Variants in TFDP2 observed in about 807,000 individuals in gnomAD.
TFDP2 encodes the protein transcription factor Dp-2, also known as transcription factor Dp-2 (E2F dimerization partner 2).
Under a neutral mutation model 59.3 loss-of-function variants are expected in TFDP2, and 17 were observed. The observed-to-expected ratio is 0.29, with a 90% confidence interval of 0.20 to 0.43. The LOEUF is 0.43. Ranked by LOEUF, TFDP2 falls within the 20% of genes least tolerant of loss-of-function variation. The pLI is 1.00. For missense variants in TFDP2, 391 were observed against 528.8 expected (o/e 0.74, Z 2.56); for synonymous variants, 180 against 194.7 (o/e 0.92, Z 0.63).
intron 3 of TFDP2, among the ~76,000 whole-genome samples, chr3:142,021,426 C>T (rs148130726): frequency 1.4e-3 from 220 of 152,268 alleles, no homozygotes; most frequent in African/African-American, 5.2e-3. Context: ...AAATGGATCA[C>T]CTAACCAGAA....
At chr3:141,979,915 T>G (rs1318958976) in intron 6 of TFDP2, among the ~76,000 whole-genome samples, 4 of 143,518 alleles carry the variant, frequency 2.8e-5, no homozygotes, top group South Asian at 4.4e-4. Flanking sequence ...TGTTTTTGGG[T>G]TTTTTTTTTT....
intron 3 of TFDP2, among the ~76,000 whole-genome samples, chr3:142,050,589 GGGA>G (rs1355424336): frequency 2.6e-5 from 4 of 152,050 alleles, no homozygotes; most frequent in African/African-American, 9.7e-5. Flanking sequence ...CCAGCTACTC[GGGA>G]GGCTGAGGCA....
chr3:141,973,330 C>T (rs1940129749), intron 8 of TFDP2, among the ~76,000 whole-genome samples: 2 of 151,840 alleles, frequency 1.3e-5, no homozygotes, highest in South Asian at 2.1e-4. Flanking sequence ...ACACCCACCT[C>T]GGCCTCCCAA....
chr3:142,013,298 A>G (rs1037397143), intron 3 of TFDP2, among the ~76,000 whole-genome samples: 8 of 152,232 alleles, frequency 5.3e-5, no homozygotes, highest in Non-Finnish European at 1.0e-4. Flanking sequence ...GGATTCCACT[A>G]GAATTCCAAT....
intron 3 of TFDP2, among the ~76,000 whole-genome samples, chr3:142,012,576 T>C (rs961945604): frequency 6.6e-5 from 10 of 152,208 alleles, no homozygotes; most frequent in African/African-American, 2.2e-4. Context: ...ATGTGTATGA[T>C]GGAATATTAT....
chr3:142,050,638 G>A (rs1386033348), intron 3 of TFDP2, among the ~76,000 whole-genome samples: 1 of 152,146 alleles, frequency 6.6e-6, no homozygotes, highest in African/African-American at 2.4e-5. Context: ...AGAGCTTGCA[G>A]TGAGTCACGA....
intron 2 of TFDP2, among the ~76,000 whole-genome samples, chr3:142,096,497 C>A (rs1184482426): frequency 6.6e-6 from 1 of 151,978 alleles, no homozygotes; most frequent in Non-Finnish European, 1.5e-5. Context: ...GCTGAGTATT[C>A]CTCTCTTTTT....
intron 3 of TFDP2, among the ~76,000 whole-genome samples, chr3:142,007,334 C>T (rs1944299600): frequency 6.6e-6 from 1 of 152,116 alleles, no homozygotes; most frequent in Admixed American, 6.5e-5. Context: ...TATGACTGAG[C>T]CCTCTTATAC....
At chr3:141,985,793 T>C (rs766860120) in intron 6 of TFDP2, among the ~76,000 whole-genome samples, 8 of 152,150 alleles carry the variant, frequency 5.3e-5, no homozygotes, top group Non-Finnish European at 1.2e-4. Context: ...AAAACATTTG[T>C]GCCTCAAAAG....
In TFDP2 at chr3:142,093,044, T is replaced by C. The variant is rs772211869; in HGVS notation, c.82+17A>G. 17 of 1,507,884 alleles carry C rather than the reference T, an allele frequency of 1.1e-5. No homozygotes were observed. Among genetic ancestry groups the C allele is most frequent in the Non-Finnish European group, 1.5e-5 (17 of 1,131,294 alleles). The allele number at this position is 1,507,884 out of a possible 1,614,324, so 93.4% of individuals were successfully genotyped here. On this transcript the variant is annotated intron_variant, in intron 3 of 12. Transcript: ENST00000489671. ...AAACTAACTTAATTCAGAAAAATTT[T>C]ATTCAATAATCCTTACCTTTTGTTG... is the stretch of plus-strand genomic sequence containing the variant.
At chr3:142,049,790 A>G (rs984716055) in intron 3 of TFDP2, among the ~76,000 whole-genome samples, 2 of 152,194 alleles carry the variant, frequency 1.3e-5, no homozygotes, top group Non-Finnish European at 2.9e-5. Flanking sequence ...CTGTATTTCT[A>G]TCTTCTGCCA....
At chr3:142,005,251 C>T (rs1012555279) in intron 4 of TFDP2, among the ~76,000 whole-genome samples, 190 bp downstream of exon 4, 14 of 152,218 alleles carry the variant, frequency 9.2e-5, no homozygotes, top group African/African-American at 3.4e-4. Flanking sequence ...GTTGCCCAGG[C>T]TGGTCTTGAA....
At chr3:142,065,710 G>C (rs182322128) in intron 3 of TFDP2, among the ~76,000 whole-genome samples, 99 of 150,382 alleles carry the variant, frequency 6.6e-4, no homozygotes, top group Middle Eastern at 3.6e-3. Context: ...AGGAGGTTTC[G>C]CCATGTTGGC....
At chr3:142,132,842 A>G (rs980508338) in intron 1 of TFDP2, among the ~76,000 whole-genome samples, 3 of 149,712 alleles carry the variant, frequency 2.0e-5, no homozygotes, top group African/African-American at 7.6e-5. Flanking sequence ...ATACTCCCAA[A>G]AGAAACTAAA....
At chr3:142,000,194 T>A in intron 4 of TFDP2, 1 of 680,100 alleles carries the variant, frequency 1.5e-6, no homozygotes, top group Non-Finnish European at 2.7e-6. Context: ...TTCTTTAAAG[T>A]CTTCTGCAAG....
chr3:142,065,292 G>A (rs368894727), intron 3 of TFDP2, among the ~76,000 whole-genome samples: 4 of 152,020 alleles, frequency 2.6e-5, no homozygotes, highest in African/African-American at 9.7e-5. Context: ...AAGGAGCTGG[G>A]ACTGCACAGG....
chr3:142,064,729 C>T (rs1444576911), intron 3 of TFDP2, among the ~76,000 whole-genome samples: 3 of 151,966 alleles, frequency 2.0e-5, no homozygotes, highest in Non-Finnish European at 4.4e-5. Context: ...AAAACAACGT[C>T]ACTGAAAAAA....
intron 6 of TFDP2, among the ~76,000 whole-genome samples, chr3:141,980,356 T>C (rs1941345335): frequency 1.3e-5 from 2 of 152,060 alleles, no homozygotes; most frequent in Admixed American, 6.6e-5. Context: ...ATCAGGGTAA[T>C]TGGGGTATCC....
chr3:141,998,252 A>G (rs1400907596), intron 4 of TFDP2, among the ~76,000 whole-genome samples: 2 of 152,208 alleles, frequency 1.3e-5, no homozygotes, highest in African/African-American at 4.8e-5. Flanking sequence ...GCCACAGAAT[A>G]TAAGAAAATT....
Sources: gnomAD v4.1 joint callset for allele counts (sites outside exome capture counted in the v4.1 genomes callset) on GRCh38, gnomAD v4.1.1 for gene constraint, MANE v1.5 for transcripts, NCBI Gene and HGNC (gene_info 2026-07-23, HGNC 2026-07-21) for gene names.